The following SHISA6 variants were observed in gnomAD, a reference collection of about 807,000 sequenced individuals.
SHISA6 encodes the protein shisa family member 6.
In SHISA6, 22 loss-of-function variants were observed where a neutral mutation model predicts 47.9. That is an observed-to-expected ratio of 0.46 (90% CI 0.33 to 0.66). The LOEUF is 0.66. SHISA6 is among the 30% of genes least tolerant of loss of function. The pLI is 0.02. For missense variants in SHISA6, 680 were observed against 764.6 expected (o/e 0.89, Z 1.30); for synonymous variants, 388 against 337.8 (o/e 1.15, Z -1.63).
intron 2 of SHISA6, among the ~76,000 whole-genome samples, chr17:11,280,988 A>G (rs1397957570): frequency 6.6e-6 from 1 of 152,244 alleles, no homozygotes; most frequent in African/African-American, 2.4e-5. Context: ...TTGGTGGTAT[A>G]TAAAAATACA....
chr17:11,325,666 CAA>C (rs1172107265), intron 2 of SHISA6, among the ~76,000 whole-genome samples: 2 of 145,286 alleles, frequency 1.4e-5, no homozygotes, highest in Non-Finnish European at 3.0e-5. Context: ...TCTAGAGAAG[CAA>C]AATAATTGCA....
At chr17:11,278,851 A>G (rs569288793) in intron 2 of SHISA6, among the ~76,000 whole-genome samples, 1 of 152,344 alleles carries the variant, frequency 6.6e-6, no homozygotes, top group Non-Finnish European at 1.5e-5. Context: ...CCCCATAAGA[A>G]TTAGATTAAA....
intron 3 of SHISA6, among the ~76,000 whole-genome samples, chr17:11,546,626 T>C (rs2142383580): frequency 6.6e-6 from 1 of 152,294 alleles, no homozygotes; most frequent in East Asian, 1.9e-4. Context: ...AGGCATTAAA[T>C]AGGACAGAAA....
chr17:11,348,364 T>A (rs751601216), intron 2 of SHISA6, among the ~76,000 whole-genome samples: 4 of 152,198 alleles, frequency 2.6e-5, no homozygotes, highest in Non-Finnish European at 5.9e-5. Context: ...TCGTGAGTGA[T>A]GTCAACTATA....
intron 1 of SHISA6, among the ~76,000 whole-genome samples, chr17:11,247,047 A>G (rs572485980): frequency 2.0e-5 from 3 of 152,268 alleles, no homozygotes; most frequent in East Asian, 1.9e-4. Context: ...ATCGACTGCT[A>G]AGGTACCAAG....
At chr17:11,433,931 G>A (rs935501727) in intron 3 of SHISA6, among the ~76,000 whole-genome samples, 7 of 152,182 alleles carry the variant, frequency 4.6e-5, no homozygotes, top group Non-Finnish European at 1.0e-4. Context: ...ATGAAATCAG[G>A]AGGTTGTTTT....
At chr17:11,382,015 G>A (rs888804707) in intron 3 of SHISA6, among the ~76,000 whole-genome samples, 3 of 152,158 alleles carry the variant, frequency 2.0e-5, no homozygotes, top group South Asian at 2.1e-4. Flanking sequence ...CTGGGTTTGA[G>A]GTTGGTGGTT....
intron 3 of SHISA6, among the ~76,000 whole-genome samples, chr17:11,499,849 G>A (rs946677177): frequency 9.9e-5 from 15 of 151,872 alleles, no homozygotes; most frequent in African/African-American, 3.1e-4. Flanking sequence ...TTACAGGTGT[G>A]TGCCACCACA....
intron 2 of SHISA6, among the ~76,000 whole-genome samples, chr17:11,360,553 C>G (rs1407379252): frequency 1.3e-5 from 2 of 148,314 alleles, no homozygotes; most frequent in African/African-American, 5.0e-5. Context: ...GAGCAAGACT[C>G]TGTCTCAAGA....
At chr17:11,370,674 A>G (rs1424970410) in intron 2 of SHISA6, among the ~76,000 whole-genome samples, 2 of 152,312 alleles carry the variant, frequency 1.3e-5, no homozygotes, top group East Asian at 3.9e-4. Flanking sequence ...CTCTTAGGGC[A>G]GATGACAGGA....
intron 2 of SHISA6, among the ~76,000 whole-genome samples, chr17:11,296,752 G>A (rs944953394): frequency 1.3e-5 from 2 of 152,074 alleles, no homozygotes; most frequent in African/African-American, 4.8e-5. Context: ...TGAGGGACTC[G>A]AAAACTTGAG....
chr17:11,323,522 C>T (rs982096688), intron 2 of SHISA6, among the ~76,000 whole-genome samples: 4 of 151,884 alleles, frequency 2.6e-5, no homozygotes, highest in Non-Finnish European at 5.9e-5. Context: ...GACGTGGTGG[C>T]GCATGCCTGT....
intron 3 of SHISA6, among the ~76,000 whole-genome samples, chr17:11,513,196 ATGTG>A (rs2071555805): frequency 4.9e-5 from 2 of 41,148 alleles, no homozygotes; most frequent in African/African-American, 2.6e-4. Flanking sequence ...ACACATATAT[ATGTG>A]TGTATATATG....
chr17:11,310,868 G>C lies in SHISA6; in HGVS notation c.799+47342G>C, dbSNP rs569584784. On this transcript the variant is annotated intron_variant, in intron 2 of 5. Coordinates refer to ENST00000441885, the MANE Select transcript of SHISA6 (RefSeq NM_207386.4). ...TCACGCCTGTAATCCCAGCACTTTG[G>C]GGGGCCTAGGTGGGCGCATCACAAG... Among the ~76,000 whole-genome samples, 10 of 152,160 alleles carry C rather than the reference G, an allele frequency of 6.6e-5. No individual in the cohort carries two copies. In the South Asian group the frequency reaches 1.9e-3, roughly 28 times the overall value.
intron 3 of SHISA6, among the ~76,000 whole-genome samples, chr17:11,526,773 C>T (rs2071685567): frequency 6.6e-6 from 1 of 151,402 alleles, no homozygotes; most frequent in Non-Finnish European, 1.5e-5. Flanking sequence ...GGCTCTGATC[C>T]TTACTAGCTT....
intron 3 of SHISA6, among the ~76,000 whole-genome samples, chr17:11,487,527 A>G (rs1027919016): frequency 6.6e-6 from 1 of 152,166 alleles, no homozygotes; most frequent in African/African-American, 2.4e-5. Context: ...CCCAGGAAAC[A>G]TCCTGAAAGC....
intron 3 of SHISA6, among the ~76,000 whole-genome samples, chr17:11,540,971 A>G (rs981703779): frequency 1.3e-5 from 2 of 152,238 alleles, no homozygotes; most frequent in Admixed American, 6.5e-5. Flanking sequence ...CTTTCAGACA[A>G]TGACGCATAA....
At chr17:11,251,246 T>C (rs1237081953) in intron 1 of SHISA6, among the ~76,000 whole-genome samples, 3 of 7,364 alleles carry the variant, frequency 4.1e-4, no homozygotes, top group African/African-American at 4.4e-4. Flanking sequence ...ATAAGTGACC[T>C]ACCTATGAGG....
At chr17:11,361,518 C>A (rs963588888) in intron 2 of SHISA6, among the ~76,000 whole-genome samples, 4 of 152,124 alleles carry the variant, frequency 2.6e-5, no homozygotes, top group Admixed American at 1.3e-4. Context: ...GACTGTAACT[C>A]CAAGTGAGTG....
Sources: allele counts gnomAD v4.1 joint callset (sites outside exome capture counted in the v4.1 genomes callset), GRCh38; gene constraint gnomAD v4.1.1; transcripts MANE v1.5; gene names NCBI Gene and HGNC (gene_info 2026-07-23, HGNC 2026-07-21).